Variants in KLHL1 observed in about 807,000 individuals in gnomAD.
KLHL1 encodes the protein kelch-like protein 1.
Under a neutral mutation model 77.7 loss-of-function variants are expected in KLHL1, and 47 were observed. That is an observed-to-expected ratio of 0.60 (90% CI 0.48 to 0.77). The LOEUF (loss-of-function observed/expected upper bound fraction) is 0.77, where lower values mean the gene tolerates loss of function less well. KLHL1 is among the 30% of genes least tolerant of loss of function. KLHL1 has a pLI of 0.00. For synonymous variants in KLHL1, 360 were observed against 325.2 expected (o/e 1.11, Z -1.15); for missense variants, 925 against 910.8 (o/e 1.02, Z -0.20).
intron 6 of KLHL1, among the ~76,000 whole-genome samples, chr13:69,800,064 C>T (rs919106001): frequency 6.6e-6 from 1 of 152,166 alleles, no homozygotes; most frequent in Non-Finnish European, 1.5e-5. Context: ...GAAAAATGTT[C>T]TTCCACCAAA....
intron 1 of KLHL1, among the ~76,000 whole-genome samples, chr13:70,084,037 GT>G (rs1392656348): frequency 2.0e-5 from 3 of 152,114 alleles, no homozygotes; most frequent in Non-Finnish European, 4.4e-5. Flanking sequence ...ATAACAACAT[GT>G]GCTTTATGAA....
chr13:69,951,001 T>A (rs531932465), intron 3 of KLHL1, among the ~76,000 whole-genome samples: 2 of 151,772 alleles, frequency 1.3e-5, no homozygotes, highest in South Asian at 4.1e-4. Context: ...AATGAAATAT[T>A]TGTCTCAGAT....
intron 8 of KLHL1, among the ~76,000 whole-genome samples, chr13:69,740,172 G>A (rs1189305460): frequency 6.6e-6 from 1 of 152,146 alleles, no homozygotes; most frequent in Non-Finnish European, 1.5e-5. Context: ...ATATTCCCAT[G>A]AAATGTATTT....
At chr13:69,762,261 T>G (rs950035840) in intron 7 of KLHL1, among the ~76,000 whole-genome samples, 3 of 152,154 alleles carry the variant, frequency 2.0e-5, no homozygotes, top group African/African-American at 7.2e-5. Context: ...ATTTTCTTGG[T>G]CAAAGGTATT....
chr13:69,792,907 T>C (rs1651203547), intron 7 of KLHL1, among the ~76,000 whole-genome samples: 1 of 152,120 alleles, frequency 6.6e-6, no homozygotes, highest in African/African-American at 2.4e-5. Flanking sequence ...ATGTATTGGG[T>C]ATAGGATTTC....
intron 1 of KLHL1, among the ~76,000 whole-genome samples, chr13:70,063,657 C>G (rs1386868389): frequency 6.6e-6 from 1 of 151,782 alleles, no homozygotes; most frequent in African/African-American, 2.4e-5. Flanking sequence ...CCTTTTAACT[C>G]CAAGGAAATC....
intron 5 of KLHL1, among the ~76,000 whole-genome samples, chr13:69,871,266 A>T (rs1222772615): frequency 2.0e-5 from 3 of 152,158 alleles, no homozygotes; most frequent in African/African-American, 7.2e-5. Context: ...AGTACTCCAA[A>T]GTGGCACAGG....
intron 1 of KLHL1, among the ~76,000 whole-genome samples, chr13:70,106,000 A>G (rs1888046451): frequency 6.6e-6 from 1 of 150,748 alleles, no homozygotes; most frequent in African/African-American, 2.4e-5. Context: ...TATATAATGT[A>G]TATAATTGAA....
chr13:69,746,485 G>T (rs1180984932), intron 7 of KLHL1, among the ~76,000 whole-genome samples: 1 of 151,748 alleles, frequency 6.6e-6, no homozygotes, highest in African/African-American at 2.4e-5. Flanking sequence ...CTACACTAAG[G>T]TTCTTTCGGT....
chr13:70,095,502 A>G (rs1182186513), intron 1 of KLHL1, among the ~76,000 whole-genome samples: 2 of 152,188 alleles, frequency 1.3e-5, no homozygotes, highest in Non-Finnish European at 2.9e-5. Context: ...TTGCTTGCCC[A>G]TGAAGTCAGT....
In KLHL1 at chr13:69,940,220, T is replaced by G. The variant is rs1883324712; in HGVS notation, c.834A>C (p.Lys278Asn). 5 of 1,605,044 alleles carry G rather than the reference T, an allele frequency of 3.1e-6. No homozygotes were observed. The highest frequency in any genetic ancestry group is 4.2e-6 in the Non-Finnish European group (5 of 1,177,184). The change falls in exon 4 of 11, where the codon AAA (lysine) becomes AAC (asparagine). Residue 278 changes from lysine to asparagine, a missense_variant. By Grantham distance (94) the Lys-to-Asn change is moderately conservative. Coordinates refer to ENST00000377844, the MANE Select transcript of KLHL1 (RefSeq NM_020866.3). ...QFAYTGCLELKEDTIENLLAA... is the reference protein window; with the variant it reads ...QFAYTGCLELNEDTIENLLAA... ...CAAGAAGGTTCTCAATGGTGTCCTC[T>G]TTTAATTCCAAGCAGCCTAAACATA...
chr13:69,958,515 C>T (rs1883963150), intron 3 of KLHL1, among the ~76,000 whole-genome samples: 1 of 151,762 alleles, frequency 6.6e-6, no homozygotes, highest in Non-Finnish European at 1.5e-5. Context: ...TATCCATGTA[C>T]TTTGTCCTTA....
intron 1 of KLHL1, among the ~76,000 whole-genome samples, chr13:70,055,004 AG>A (rs1457602323): frequency 1.5e-5 from 1 of 64,932 alleles, no homozygotes; most frequent in African/African-American, 5.8e-5. Context: ...GGGGTTAAAA[AG>A]TTTATTCAAA....
At chr13:69,859,603 A>G (rs1880057332) in intron 5 of KLHL1, among the ~76,000 whole-genome samples, 1 of 152,058 alleles carries the variant, frequency 6.6e-6, no homozygotes, top group Non-Finnish European at 1.5e-5. Context: ...TCAGGTTGCA[A>G]TGTGAATGAA....
chr13:69,909,174 A>G (rs1005706659), intron 4 of KLHL1, among the ~76,000 whole-genome samples: 14 of 151,540 alleles, frequency 9.2e-5, no homozygotes, highest in Non-Finnish European at 1.2e-4. Flanking sequence ...AAAGAGAGAG[A>G]GAGAAAGTGG....
intron 4 of KLHL1, among the ~76,000 whole-genome samples, chr13:69,888,652 C>T (rs1881307428): frequency 6.6e-6 from 1 of 152,054 alleles, no homozygotes; most frequent in Non-Finnish European, 1.5e-5. Flanking sequence ...TCCCCAGACA[C>T]TTTAGGAAAA....
chr13:70,033,083 C>CT (rs1886146138), intron 1 of KLHL1, among the ~76,000 whole-genome samples: 1 of 152,224 alleles, frequency 6.6e-6, no homozygotes, highest in Non-Finnish European at 1.5e-5. Flanking sequence ...TCTTAATTAT[C>CT]TTTTTCCCCC....
At chr13:69,755,837 T>C (rs112615834) in intron 7 of KLHL1, among the ~76,000 whole-genome samples, 2 of 151,926 alleles carry the variant, frequency 1.3e-5, no homozygotes, top group Admixed American at 6.5e-5. Flanking sequence ...AAATGAAACA[T>C]GTGGGTAGTG....
intron 4 of KLHL1, among the ~76,000 whole-genome samples, chr13:69,921,153 G>C (rs1223822958): frequency 6.6e-6 from 1 of 152,094 alleles, no homozygotes; most frequent in Non-Finnish European, 1.5e-5. Flanking sequence ...ATTTTCTTTA[G>C]AATAAACTAA....
Sources: allele counts gnomAD v4.1 joint callset (sites outside exome capture counted in the v4.1 genomes callset), GRCh38; gene constraint gnomAD v4.1.1; transcripts MANE v1.5; gene names NCBI Gene and HGNC (gene_info 2026-07-23, HGNC 2026-07-21).